Variants in PLEKHA7 observed in about 807,000 individuals in gnomAD.
The protein encoded by PLEKHA7 is pleckstrin homology domain-containing family A member 7.
In PLEKHA7, 104 loss-of-function variants were observed where a neutral mutation model predicts 170.0. The observed-to-expected ratio is 0.61, with a 90% CI of 0.52 to 0.72. The LOEUF (loss-of-function observed/expected upper bound fraction) is 0.72, where lower values mean the gene tolerates loss of function less well. Ranked by LOEUF, PLEKHA7 falls within the 30% of genes least tolerant of loss-of-function variation. PLEKHA7 has a pLI of 0.00. For synonymous variants in PLEKHA7, 648 were observed against 660.8 expected, an observed-to-expected ratio of 0.98 and a Z score of 0.30; for missense variants, 1,615 against 1,671.7, an observed-to-expected ratio of 0.97 and a Z score of 0.59.
At chr11:16,880,283 C>G (rs1855612004) in intron 3 of PLEKHA7, among the ~76,000 whole-genome samples, 1 of 152,242 alleles carries the variant, frequency 6.6e-6, no homozygotes. Flanking sequence ...GCCACACAAA[C>G]TGGAATTCAA....
In PLEKHA7 at chr11:16,915,676, T is replaced by C. The variant is rs1858604513; in HGVS notation, c.222-44494A>G. The stretch of plus-strand genomic sequence containing the variant: ...TGATTTCCAATTTCATCCATGTCCC[T>C]ACAAAGGACATGAACTCATCATTTT... On this transcript the variant is annotated intron_variant, in intron 3 of 26. Coordinates refer to ENST00000531066, the MANE Select transcript of PLEKHA7 (RefSeq NM_001329630.2). 2.6e-5 allele frequency among the ~76,000 whole-genome samples: 4 copies of C among 151,890 alleles called. No homozygotes were observed. The South Asian group carries it at 8.3e-4, about 32-fold the overall frequency.
At chr11:16,972,255 G>C (rs988012099) in intron 3 of PLEKHA7, among the ~76,000 whole-genome samples, 1 of 151,926 alleles carries the variant, frequency 6.6e-6, no homozygotes, top group Non-Finnish European at 1.5e-5. Flanking sequence ...CTGAGTAGCT[G>C]GGACTACAAG....
At chr11:16,794,023 A>G (rs968910461) in intron 19 of PLEKHA7, among the ~76,000 whole-genome samples, 1 of 152,214 alleles carries the variant, frequency 6.6e-6, no homozygotes, top group Non-Finnish European at 1.5e-5. Flanking sequence ...TAAAGATCAA[A>G]GCATCCTCAC....
chr11:16,876,568 C>T (rs1256291923), intron 3 of PLEKHA7, among the ~76,000 whole-genome samples: 1 of 152,176 alleles, frequency 6.6e-6, no homozygotes, highest in Non-Finnish European at 1.5e-5. Context: ...CATAAATAAG[C>T]ATGTCTTCAC....
chr11:16,957,452 A>G (rs1030766654), intron 3 of PLEKHA7, among the ~76,000 whole-genome samples: 2 of 152,194 alleles, frequency 1.3e-5, no homozygotes, highest in African/African-American at 4.8e-5. Context: ...TTCCATTTAT[A>G]TGAAATATCC....
chr11:16,911,332 A>G (rs1858229960), intron 3 of PLEKHA7, among the ~76,000 whole-genome samples: 3 of 152,164 alleles, frequency 2.0e-5, no homozygotes, highest in Non-Finnish European at 4.4e-5. Context: ...GCCAGCCATG[A>G]GACAGAAGCT....
intron 16 of PLEKHA7, 108 bp from the exon 17 acceptor site, chr11:16,801,183 A>G: frequency 1.1e-6 from 1 of 941,896 alleles, no homozygotes. Flanking sequence ...GGGAAGAGGG[A>G]AGGAGACCGG....
intron 3 of PLEKHA7, among the ~76,000 whole-genome samples, chr11:16,888,192 T>C (rs370114): frequency 0.77 from 116,630 of 151,120 alleles, 46,626 homozygotes; most frequent in Non-Finnish European, 0.9. Context: ...GGAGCCCCTC[T>C]GCCCAGCAGC....
At chr11:16,786,799 C>A in intron 23 of PLEKHA7, 2 of 985,340 alleles carry the variant, frequency 2.0e-6, no homozygotes, top group Non-Finnish European at 1.2e-6. Context: ...AAAAACACGC[C>A]CTTCAAGGCC....
intron 3 of PLEKHA7, among the ~76,000 whole-genome samples, chr11:17,001,948 C>G (rs1383008915): frequency 6.6e-6 from 1 of 152,242 alleles, no homozygotes; most frequent in Admixed American, 6.5e-5. Flanking sequence ...AAATGCTCTT[C>G]TGGCAGGACC....
At chr11:16,913,146 C>T (rs965171426) in intron 3 of PLEKHA7, among the ~76,000 whole-genome samples, 2 of 152,162 alleles carry the variant, frequency 1.3e-5, no homozygotes, top group African/African-American at 2.4e-5. Flanking sequence ...TGTTCTCAAA[C>T]GCCCCTCCTT....
intron 26 of PLEKHA7, among the ~76,000 whole-genome samples, chr11:16,782,335 C>G (rs1849094490): frequency 6.6e-6 from 1 of 152,144 alleles, no homozygotes; most frequent in Non-Finnish European, 1.5e-5. Flanking sequence ...CAGGAGGGGC[C>G]CCCTTCTGCC....
chr11:16,974,210 C>T (rs1454102139), intron 3 of PLEKHA7, among the ~76,000 whole-genome samples: 3 of 149,102 alleles, frequency 2.0e-5, no homozygotes, highest in Non-Finnish European at 4.4e-5. Flanking sequence ...GAGGCTGCAG[C>T]GAGCCAGGAT....
Position 16,794,663 on chromosome 11 carries a change from G to A in PLEKHA7, c.2570C>T (p.Thr857Ile), listed in dbSNP as rs1293966959. 1.2e-6 allele frequency: 2 copies of A among 1,614,100 alleles called. No homozygotes were observed. Residue 857 changes from threonine to isoleucine, a missense_variant, in exon 19 of 27, where the codon ACT (threonine) becomes ATT (isoleucine). Thr to Ile is a moderately conservative substitution (Grantham distance 89, BLOSUM62 -1). Transcript: ENST00000531066. ...FPHPPVPSLSTSESKPPPQPS... is the reference protein window; with the variant it reads ...FPHPPVPSLSISESKPPPQPS... ...CTGTGGGGGCGGCTTGCTCTCAGAA[G>A]TTGAGAGTGAAGGCACAGGCGGGTG...
intron 3 of PLEKHA7, among the ~76,000 whole-genome samples, chr11:16,895,883 C>A (rs12418111): frequency 6.6e-6 from 1 of 152,114 alleles, no homozygotes; most frequent in Non-Finnish European, 1.5e-5. Flanking sequence ...AGAAGAGAAT[C>A]TGCCAAAATT....
intron 3 of PLEKHA7, among the ~76,000 whole-genome samples, chr11:16,996,949 G>C (rs2137004484): frequency 6.6e-6 from 1 of 151,716 alleles, no homozygotes; most frequent in South Asian, 2.1e-4. Context: ...AAAAAAAAAA[G>C]TTGAATCTCA....
chr11:16,904,335 A>C (rs1055360776), intron 3 of PLEKHA7, among the ~76,000 whole-genome samples: 11 of 152,192 alleles, frequency 7.2e-5, no homozygotes, highest in Non-Finnish European at 2.9e-5. Context: ...CTATTTCTGA[A>C]GTTGTCCATC....
chr11:16,796,696 G>A (rs1375608929), intron 17 of PLEKHA7, among the ~76,000 whole-genome samples: 1 of 152,144 alleles, frequency 6.6e-6, no homozygotes, highest in Non-Finnish European at 1.5e-5. Flanking sequence ...TCACTTTGTT[G>A]CCCAGGTTGA....
At chr11:16,801,548 G>C in intron 16 of PLEKHA7, 120 bp downstream of exon 16, 2 of 1,255,320 alleles carry the variant, frequency 1.6e-6, no homozygotes, top group Non-Finnish European at 2.2e-6. Context: ...TACTGGAGAA[G>C]CTCTGCTATT....
Sources: gnomAD v4.1 joint callset for allele counts (sites outside exome capture counted in the v4.1 genomes callset) on GRCh38, gnomAD v4.1.1 for gene constraint, MANE v1.5 for transcripts, NCBI Gene and HGNC (gene_info 2026-07-23, HGNC 2026-07-21) for gene names.